FARP1: variants seen among roughly 807,000 people sequenced by gnomAD.
FARP1 encodes the protein FERM, ARHGEF and pleckstrin domain-containing protein 1.
In FARP1, 52 loss-of-function variants were observed where a neutral mutation model predicts 128.8. That is an observed-to-expected ratio of 0.40 (90% CI 0.32 to 0.51). FARP1 has a LOEUF of 0.51. Ranked by LOEUF, FARP1 falls within the 20% of genes least tolerant of loss-of-function variation. The pLI is 0.45. For synonymous variants in FARP1, 580 were observed against 551.8 expected, an observed-to-expected ratio of 1.05 and a Z score of -0.72; for missense variants, 1,333 against 1,367.9, an observed-to-expected ratio of 0.97 and a Z score of 0.40.
chr13:98,395,993 A>G lies in FARP1; in HGVS notation c.1414+517A>G, dbSNP rs910342108. 1.5e-5 allele frequency: 6 copies of G among 399,208 alleles called. 1 individual carries two copies. The highest frequency in any genetic ancestry group is 4.4e-5 in the Admixed American group (1 of 22,744). The allele number at this position is 399,208 out of a possible 1,614,324, so 24.7% of individuals were successfully genotyped here. ...ATGGGAGAAGACACTCTCCCGGACC[A>G]GGGTCCTCCTTATGAACGCTGGTCC... On this transcript the variant is annotated intron_variant, in intron 13 of 26. Coordinates refer to ENST00000319562, the MANE Select transcript of FARP1 (RefSeq NM_005766.4).
intron 2 of FARP1, among the ~76,000 whole-genome samples, chr13:98,306,263 A>G (rs1356937618): frequency 6.6e-6 from 1 of 152,222 alleles, no homozygotes; most frequent in African/African-American, 2.4e-5. Flanking sequence ...TGCCAAGCTT[A>G]AACATATGGG....
At position 98,267,020 on chromosome 13, in the gene FARP1, A is replaced by AT. The variant is rs1358058162; in HGVS notation, c.171+53607_171+53608insT. Among the ~76,000 whole-genome samples the AT allele has an allele frequency of 2.0e-5, 3 of 151,784 alleles. No homozygotes were observed. The East Asian group carries it at 5.8e-4, about 29-fold the overall frequency. Reference sequence around the variant, plus strand: ...TGGTCAAGACTCCCATCTCAAAAAAAAAAAAAAAAAAAAAGGGGTGGTATA... The same window carrying AT: ...TGGTCAAGACTCCCATCTCAAAAAAATAAAAAAAAAAAAAAGGGGTGGTATA... On this transcript the variant is annotated intron_variant, in intron 2 of 26. Transcript: ENST00000319562.
At chr13:98,400,094 A>G (rs964981888) in intron 13 of FARP1, 1 of 152,240 alleles carries the variant, frequency 6.6e-6, no homozygotes, top group Admixed American at 6.5e-5. Flanking sequence ...CAATTGTGCC[A>G]TGTGGCCTGC....
intron 2 of FARP1, among the ~76,000 whole-genome samples, chr13:98,304,365 T>C (rs1886047106): frequency 6.6e-6 from 1 of 152,234 alleles, no homozygotes; most frequent in Non-Finnish European, 1.5e-5. Flanking sequence ...GAAAAATTAT[T>C]TTAAAATGGT....
In FARP1 at chr13:98,378,078, T is replaced by A. The variant is rs78135870; in HGVS notation, c.496+160T>A. 8.7e-3 allele frequency among the ~76,000 whole-genome samples: 1,323 copies of A among 152,344 alleles called. 8 individuals are homozygous for A. Among genetic ancestry groups the A allele is most frequent in the Non-Finnish European group, 0.013 (855 of 68,014 alleles). The stretch of plus-strand genomic sequence containing the variant: ...TACGGGTGGAAGAGAAAAACAATAC[T>A]CCTGATGTCATTTAATATGCATATC... On this transcript the variant is annotated intron_variant, in intron 6 of 26. Coordinates refer to ENST00000319562, the MANE Select transcript of FARP1 (RefSeq NM_005766.4).
intron 3 of FARP1, among the ~76,000 whole-genome samples, chr13:98,353,472 A>G (rs1308463936): frequency 6.6e-6 from 1 of 152,138 alleles, no homozygotes; most frequent in African/African-American, 2.4e-5. Context: ...TCCGCCTCCC[A>G]GGTTCAAGTG....
chr13:98,268,814 GTGTGTA>G (rs909259575), intron 2 of FARP1, among the ~76,000 whole-genome samples: 8 of 134,832 alleles, frequency 5.9e-5, no homozygotes, highest in African/African-American at 1.6e-4. Flanking sequence ...GTGTGTGTGT[GTGTGTA>G]TACAGCTTCC....
intron 16 of FARP1, among the ~76,000 whole-genome samples, chr13:98,412,302 TCGTTA>T (rs1891222664): frequency 1.3e-5 from 2 of 152,188 alleles, no homozygotes; most frequent in South Asian, 4.1e-4. Flanking sequence ...ATAAAGACAG[TCGTTA>T]CTTCTGGAGG....
intron 2 of FARP1, among the ~76,000 whole-genome samples, chr13:98,271,722 C>G (rs182238050): frequency 4.6e-5 from 7 of 152,276 alleles, no homozygotes; most frequent in Non-Finnish European, 8.8e-5. Flanking sequence ...TCATCCATGT[C>G]CCTGCAAAGG....
At chr13:98,437,248 G>T (rs1351307874) in intron 19 of FARP1, among the ~76,000 whole-genome samples, 2 of 152,214 alleles carry the variant, frequency 1.3e-5, no homozygotes, top group African/African-American at 4.8e-5. Context: ...TGATGGGCAA[G>T]TTTCTTAATC....
intron 2 of FARP1, among the ~76,000 whole-genome samples, chr13:98,321,226 G>A (rs1359777120): frequency 6.8e-5 from 9 of 133,060 alleles, no homozygotes; most frequent in African/African-American, 2.0e-4. Flanking sequence ...CTCTCTTTTC[G>A]CTTGTATCCC....
At position 98,449,436 on chromosome 13, in the gene FARP1, C is replaced by G. The variant is rs1313936732; in HGVS notation, c.*1119C>G. ...CCTACTCGGGAAACGTCTGCCTGTT[C>G]TCGATGGTGATGGGGTGGCTGCCAT... On this transcript the variant is annotated 3_prime_UTR_variant, in exon 27 of 27. Coordinates refer to ENST00000319562, the MANE Select transcript of FARP1 (RefSeq NM_005766.4). The G allele has an allele frequency of 6.6e-6, 1 of 152,192 alleles. No individual in the cohort carries two copies. The highest frequency in any genetic ancestry group is 2.4e-5 in the African/African-American group (1 of 41,430). The allele number at this position is 152,192 out of a possible 1,614,324, so 9.4% of individuals were successfully genotyped here.
intron 2 of FARP1, among the ~76,000 whole-genome samples, chr13:98,307,957 T>TTA (rs1259887020): frequency 6.6e-6 from 1 of 151,934 alleles, no homozygotes; most frequent in Non-Finnish European, 1.5e-5. Flanking sequence ...GCTTCCTGCC[T>TTA]TATGTTCCTT....
Position 98,440,705 on chromosome 13 carries a change from T to G in FARP1, c.2665T>G (p.Ser889Ala). 6.2e-7 allele frequency: 1 copy of G among 1,613,190 alleles called. No individual in the cohort carries two copies. Among genetic ancestry groups the G allele is most frequent in the Non-Finnish European group, 8.5e-7 (1 of 1,179,830 alleles). Residue 889 changes from serine (S) to alanine (A), a missense_variant, in exon 24 of 27, where the codon TCA becomes GCA. Physicochemically the swap from Ser to Ala is moderately conservative, Grantham distance 99. This residue lies in a region of FARP1 where 1,009 missense variants were observed against 969.8 expected (regional missense o/e 1.04). Coordinates refer to ENST00000319562, the MANE Select transcript of FARP1 (RefSeq NM_005766.4). ...TGAAGCCACCGCGGCTGACCAGGAG[T>G]CAGAGGATGACCTGAGCGCCTCGCG... ...PDEATAADQE[S>A]EDDLSASRTS... is the part of the protein sequence containing the mutation.
At chr13:98,356,264 A>G (rs138121246) in intron 3 of FARP1, among the ~76,000 whole-genome samples, 79 of 152,288 alleles carry the variant, frequency 5.2e-4, no homozygotes, top group Non-Finnish European at 8.1e-4. Context: ...TTTTTAGGCA[A>G]TTTCATTGTG....
intron 2 of FARP1, among the ~76,000 whole-genome samples, chr13:98,264,995 G>A (rs1235765574): frequency 1.3e-5 from 2 of 152,082 alleles, no homozygotes; most frequent in Non-Finnish European, 2.9e-5. Flanking sequence ...ATCTAGCATG[G>A]TACTCAGCCA....
chr13:98,143,586 C>G (rs964518281), intron 1 of FARP1, 94 bp downstream of exon 1: 1 of 150,560 alleles, frequency 6.6e-6, no homozygotes, highest in South Asian at 2.1e-4. Context: ...TCCAGGCTCC[C>G]GCAGCGCACG....
intron 1 of FARP1, among the ~76,000 whole-genome samples, chr13:98,153,510 A>AT (rs1566670872): frequency 2.1e-5 from 2 of 95,144 alleles, no homozygotes; most frequent in African/African-American, 6.7e-5. Flanking sequence ...AATATGTATA[A>AT]ATATATATTT....
rs960190081 is a variant in FARP1 at position 98,448,638 on chromosome 13, T to TCAACA, written c.*325_*329dup. On this transcript the variant is annotated 3_prime_UTR_variant, in exon 27 of 27. Coordinates refer to ENST00000319562, the MANE Select transcript of FARP1 (RefSeq NM_005766.4). ...TGAAAAACAGTACACACACATCCGT[T>TCAACA]CAACACAAGACAGGGCAAGTGTTTT... 2 of 284,710 alleles carry TCAACA rather than the reference T, an allele frequency of 7.0e-6. No homozygotes were observed. The highest frequency in any genetic ancestry group is 1.1e-4 in the South Asian group (2 of 18,052). The allele number at this position is 284,710 out of a possible 1,614,324, so 17.6% of individuals were successfully genotyped here.
Sources: gnomAD v4.1 joint callset for allele counts (sites outside exome capture counted in the v4.1 genomes callset) on GRCh38, gnomAD v4.1.1 for gene constraint, gnomAD v4.1.1 regional missense constraint, MANE v1.5 for transcripts, NCBI Gene and HGNC (gene_info 2026-07-23, HGNC 2026-07-21) for gene names.